Variants in HEATR5A observed in about 807,000 individuals in gnomAD.
HEATR5A encodes the protein HEAT repeat containing 5A.
A neutral mutation model predicts 218.8 loss-of-function variants in HEATR5A; 178 were observed. The ratio of observed to expected loss-of-function variants is 0.81; its 90% CI spans 0.72 to 0.92. The LOEUF (loss-of-function observed/expected upper bound fraction) is 0.92. HEATR5A is among the 40% of genes least tolerant of loss of function. The pLI is 0.00. For synonymous variants in HEATR5A, 864 were observed against 871.6 expected, an observed-to-expected ratio of 0.99 and a Z score of 0.15; for missense variants, 2,420 against 2,418.9, an observed-to-expected ratio of 1.00 and a Z score of -0.01.
At position 31,337,518 on chromosome 14, in the gene HEATR5A, C is replaced by A; in HGVS notation, c.3325G>T (p.Ala1109Ser). 1 of 1,559,948 alleles carries A rather than the reference C, an allele frequency of 6.4e-7. No individual in the cohort carries two copies. ...QREAAEVSEH[A>S]VMLAKDSREE... is the part of the protein sequence containing the mutation. ...CTGCTATCCTTAGCAAGCATAACAG[C>A]ATGTTCTGAAACTTCAGCTGCTTCT... Residue 1109 changes from alanine (A) to serine (S), a missense_variant, in exon 22 of 36, where the codon GCT (alanine) becomes TCT (serine). Ala to Ser is a moderately conservative substitution (Grantham distance 99). Transcript: ENST00000543095.
intron 2 of HEATR5A, 132 bp downstream of exon 2, chr14:31,402,718 C>T (rs1339929488): frequency 8.7e-6 from 7 of 800,052 alleles, no homozygotes; most frequent in Non-Finnish European, 1.3e-5. Flanking sequence ...ATGTAATATA[C>T]TTCATTAAGT....
chr14:31,392,307 GGCAATACTTTA>G (rs747493730), intron 6 of HEATR5A, among the ~76,000 whole-genome samples: 32 of 152,010 alleles, frequency 2.1e-4, no homozygotes, highest in Admixed American at 7.9e-4. Flanking sequence ...CAATGTATCT[GGCAATACTTTA>G]AGATGGCCTG....
At position 31,323,336 on chromosome 14, in the gene HEATR5A, A is replaced by T. The variant is rs11156665; in HGVS notation, c.3787+229T>A. On this transcript the variant is annotated intron_variant, in intron 24 of 35. Transcript: ENST00000543095. ...CCACCATGCCTTGCTAATTAAAAAAATTTTTTTAATAGAGACAATGTTTCA... is the reference window on the plus strand; with the variant it reads ...CCACCATGCCTTGCTAATTAAAAAATTTTTTTTAATAGAGACAATGTTTCA... Among the ~76,000 whole-genome samples, 78 of 152,060 alleles carry T rather than the reference A, an allele frequency of 5.1e-4. No individual in the cohort carries two copies. In the East Asian group the frequency reaches 8.1e-3, roughly 16 times the overall value.
In HEATR5A at chr14:31,326,188, AC is replaced by A. The variant is rs1278665499; in HGVS notation, c.3521del (p.Cys1174LeufsTer14). On this transcript the variant is annotated frameshift_variant, in exon 23 of 36. Transcript: ENST00000543095. LOFTEE classifies it high-confidence loss of function. ...CAGCTGATGCAGCAAGTACATCTTT[AC>A]AAAGCTTTAACCACAGGGAGAGTTT... The part of the protein sequence containing the change: ...VEKLSLWLKL[C>X]KDVLAASADF... 6.2e-7 allele frequency: 1 copy of A among 1,613,222 alleles called. No individual in the cohort carries two copies. Among genetic ancestry groups the A allele is most frequent in the Non-Finnish European group, 8.5e-7 (1 of 1,179,304 alleles).
intron 13 of HEATR5A, among the ~76,000 whole-genome samples, chr14:31,366,458 CTTATT>C (rs1376838168): frequency 6.6e-6 from 1 of 152,084 alleles, no homozygotes; most frequent in Non-Finnish European, 1.5e-5. Flanking sequence ...GCAACGTTCA[CTTATT>C]TTAACTATAA....
intron 1 of HEATR5A, among the ~76,000 whole-genome samples, chr14:31,403,692 A>T (rs771921377): frequency 1.2e-4 from 19 of 152,200 alleles, no homozygotes; most frequent in Non-Finnish European, 1.5e-5. Context: ...AGCAATCAAG[A>T]TCATATCTGC....
intron 1 of HEATR5A, among the ~76,000 whole-genome samples, chr14:31,404,920 A>G (rs1189908130): frequency 6.7e-6 from 1 of 150,072 alleles, no homozygotes; most frequent in Non-Finnish European, 1.5e-5. Flanking sequence ...TCAAAATAAA[A>G]AAAAGAAAAA....
At chr14:31,320,750 G>A in intron 25 of HEATR5A, 1 of 339,432 alleles carries the variant, frequency 2.9e-6, no homozygotes, top group Non-Finnish European at 5.7e-6. Context: ...CTTTAACAGG[G>A]CCATTTTTTT....
rs770593993 is a variant in HEATR5A at position 31,304,885 on chromosome 14, A to T, written c.5239+20T>A. The T allele has an allele frequency of 1.2e-6, 2 of 1,606,418 alleles. No individual in the cohort carries two copies. Among genetic ancestry groups the T allele is most frequent in the Admixed American group, 1.8e-5 (1 of 56,894 alleles). ...ATTTCTCTTCTAGGTCAAGTCAAGC[A>T]ATCACATACCACAGCATACCTTCAG... On this transcript the variant is annotated intron_variant, in intron 32 of 35. Transcript: ENST00000543095.
chr14:31,309,524 A>G (rs1384988731), intron 28 of HEATR5A, among the ~76,000 whole-genome samples: 1 of 152,200 alleles, frequency 6.6e-6, no homozygotes, highest in Non-Finnish European at 1.5e-5. Context: ...CTGGGAGTAC[A>G]ACTGATAGGT....
In HEATR5A at chr14:31,302,307, A is replaced by G. The variant is rs1899409910; in HGVS notation, c.5452T>C (p.Cys1818Arg). 1 of 1,593,448 alleles carries G rather than the reference A, an allele frequency of 6.3e-7. No homozygotes were observed. The highest frequency in any genetic ancestry group is 8.6e-7 in the Non-Finnish European group (1 of 1,169,106). ...LRSALTTILD[C>R]WDPVDETHQE... Reference sequence around the variant, plus strand: ...TAGCCTCAATTACCTGGATCCCAACAGTCAAGAATTGTTGTTAAGGCACTT... The same window carrying G: ...TAGCCTCAATTACCTGGATCCCAACGGTCAAGAATTGTTGTTAAGGCACTT... Residue 1818 changes from cysteine (C) to arginine (R), a missense_variant, in exon 33 of 36, where the codon TGT (cysteine) becomes CGT (arginine). Cys to Arg is a radical substitution (Grantham distance 180, BLOSUM62 -3). Transcript: ENST00000543095.
rs1899099273 is a variant in HEATR5A, at chr14:31,294,083, G to A, written c.5641C>T (p.Leu1881Phe). 1.3e-6 allele frequency: 2 copies of A among 1,592,640 alleles called. No homozygotes were observed. The highest frequency in any genetic ancestry group is 2.3e-5 in the East Asian group (1 of 44,384). Reference protein sequence around the residue: ...DPVVQIKTYQLLHSIFQYPNP... With the variant: ...DPVVQIKTYQFLHSIFQYPNP... ...GGATACTGAAAGATGGAATGTAGGA[G>A]CTGGTAGGTCTTGATTTGTACCTAA... Residue 1881 changes from leucine to phenylalanine, a missense_variant, in exon 35 of 36, where the codon CTC (leucine) becomes TTC (phenylalanine). Leu to Phe is a conservative substitution (Grantham distance 22, BLOSUM62 0). Coordinates refer to ENST00000543095, the MANE Select transcript of HEATR5A (RefSeq NM_015473.4).
chr14:31,320,353 A>C, intron 25 of HEATR5A: 1 of 862,258 alleles, frequency 1.2e-6, no homozygotes, highest in Non-Finnish European at 2.0e-6. Flanking sequence ...CATAGACAAT[A>C]ATCAAGCTGC....
chr14:31,345,944 A>G (rs1373510942), intron 19 of HEATR5A, among the ~76,000 whole-genome samples: 4 of 152,186 alleles, frequency 2.6e-5, no homozygotes, highest in African/African-American at 7.2e-5. Flanking sequence ...GTTTAAATGA[A>G]AAAAGACTGG....
At chr14:31,388,597 A>G (rs1410676724) in intron 7 of HEATR5A, among the ~76,000 whole-genome samples, 1 of 152,232 alleles carries the variant, frequency 6.6e-6, no homozygotes, top group African/African-American at 2.4e-5. Context: ...GAAACAAAAA[A>G]TCTTTGTGTT....
chr14:31,305,213 G>A (rs1242983256), intron 31 of HEATR5A, 36 bp from the exon 32 acceptor site: 9 of 1,590,386 alleles, frequency 5.7e-6, no homozygotes, highest in African/African-American at 1.4e-5. Flanking sequence ...CTTTGTGCTT[G>A]CTCTGCTTCT....
chr14:31,401,068 T>C (rs557309690), intron 2 of HEATR5A, among the ~76,000 whole-genome samples: 19 of 152,198 alleles, frequency 1.2e-4, no homozygotes, highest in South Asian at 2.1e-4. Context: ...CTCGATCTCC[T>C]GACCTTATGA....
At chr14:31,298,953 C>T (rs1370747441) in intron 33 of HEATR5A, among the ~76,000 whole-genome samples, 2 of 152,204 alleles carry the variant, frequency 1.3e-5, no homozygotes, top group Non-Finnish European at 2.9e-5. Context: ...ATCCCCCACA[C>T]TGTTTGGCCT....
At chr14:31,303,503 C>CCAATTAGTACCAGATA (rs1428074634) in intron 32 of HEATR5A, among the ~76,000 whole-genome samples, 12 of 152,168 alleles carry the variant, frequency 7.9e-5, no homozygotes, top group Non-Finnish European at 4.4e-5. Flanking sequence ...GAAGCATCTA[C>CCAATTAGTACCAGATA]TAGGTACTAA....
Sources: allele counts gnomAD v4.1 joint callset (sites outside exome capture counted in the v4.1 genomes callset), GRCh38; gene constraint gnomAD v4.1.1; transcripts MANE v1.5; gene names NCBI Gene and HGNC (gene_info 2026-07-23, HGNC 2026-07-21).